Variants in SORBS3 observed in about 807,000 individuals in gnomAD.
The protein encoded by SORBS3 is vinexin.
Under a neutral mutation model 98.0 loss-of-function variants are expected in SORBS3, and 69 were observed. The observed-to-expected ratio is 0.70, with a 90% CI of 0.58 to 0.86. The LOEUF is 0.86. Ranked by LOEUF, SORBS3 falls within the 40% of genes least tolerant of loss-of-function variation. SORBS3 has a pLI of 0.00. For missense variants in SORBS3, 954 were observed against 908.5 expected, an observed-to-expected ratio of 1.05 and a Z score of -0.64; for synonymous variants, 394 against 355.4, an observed-to-expected ratio of 1.11 and a Z score of -1.22.
At chr8:22,566,631 TC>T in intron 13 of SORBS3, 29 bp from the exon 14 acceptor site, 1 of 1,590,596 alleles carries the variant, frequency 6.3e-7, no homozygotes, top group Non-Finnish European at 8.5e-7. Flanking sequence ...AGGTATGGCC[TC>T]CCCAAGCTGA....
chr8:22,554,481 C>T lies in SORBS3; in HGVS notation c.-26C>T, dbSNP rs747630111. 77 of 1,602,988 alleles carry T rather than the reference C, an allele frequency of 4.8e-5. No homozygotes were observed. The highest frequency in any genetic ancestry group is 3.1e-4 in the South Asian group (28 of 90,208). ...CACGCAGAGGAGCAGCTGGCTTGCCCGGAGTCCTCCCACCTTGACCCAAGC... is the reference window on the plus strand; with the variant it reads ...CACGCAGAGGAGCAGCTGGCTTGCCTGGAGTCCTCCCACCTTGACCCAAGC... On this transcript the variant is annotated 5_prime_UTR_variant, in exon 2 of 21. Transcript: ENST00000240123. This position sits in a 1 kb window ranked among gnomAD's most constrained non-coding sequence, Gnocchi z 6.5.
upstream of SORBS3, among the ~76,000 whole-genome samples, chr8:22,548,619 C>A (rs140617866): frequency 6.6e-5 from 10 of 152,222 alleles, no homozygotes; most frequent in Admixed American, 2.6e-4. Flanking sequence ...GAGCAGATGC[C>A]CTGTATCTCC....
chr8:22,574,623 A>G, intron 20 of SORBS3, 44 bp from the exon 21 acceptor site: 1 of 1,596,214 alleles, frequency 6.3e-7, no homozygotes, highest in South Asian at 1.1e-5. Flanking sequence ...CATCCCTGTT[A>G]AAGAAGGGAG....
At chr8:22,551,706 C>G, upstream of SORBS3, 2 of 983,672 alleles carry the variant, frequency 2.0e-6, no homozygotes, top group Non-Finnish European at 2.4e-6. This position sits in a 1 kb window ranked among gnomAD's most constrained non-coding sequence, Gnocchi z 5.8. Context: ...GCGCGCGCCC[C>G]GACGGACGGA....
chr8:22,563,721 T>G (rs906858271), intron 7 of SORBS3, among the ~76,000 whole-genome samples: 5 of 152,178 alleles, frequency 3.3e-5, no homozygotes, highest in Non-Finnish European at 5.9e-5. Flanking sequence ...ACCAAATCAT[T>G]TCTATATTAC....
At chr8:22,550,929 T>C (rs940479087), upstream of SORBS3, among the ~76,000 whole-genome samples, 28 of 152,192 alleles carry the variant, frequency 1.8e-4, no homozygotes, top group African/African-American at 6.3e-4. Context: ...CAATGTTCCT[T>C]AAGCATTCCC....
intron 18 of SORBS3, 52 bp downstream of exon 18, chr8:22,571,273 C>T (rs773904125): frequency 1.9e-6 from 2 of 1,076,154 alleles, no homozygotes; most frequent in African/African-American, 1.5e-5. Flanking sequence ...ACCCCTCATC[C>T]CCCACCCCCG....
In SORBS3 at chr8:22,566,809, C is replaced by A; in HGVS notation, c.1144-13C>A. ...CAACTGAGAGAGCCCACTCTGTCCT[C>A]TCCCCTGCCTAGAGAAAGGCCGCCA... On this transcript the variant is annotated splice_polypyrimidine_tract_variant and intron_variant, in intron 14 of 20. Coordinates refer to ENST00000240123, the MANE Select transcript of SORBS3 (RefSeq NM_005775.5). The A allele has an allele frequency of 2.5e-6, 4 of 1,613,986 alleles. No homozygotes were observed. Among genetic ancestry groups the A allele is most frequent in the Non-Finnish European group, 3.4e-6 (4 of 1,179,916 alleles).
chr8:22,574,421 A>T (rs1840674547), intron 20 of SORBS3, among the ~76,000 whole-genome samples: 1 of 152,222 alleles, frequency 6.6e-6, no homozygotes, highest in Admixed American at 6.5e-5. Flanking sequence ...TGCTGTGTAC[A>T]GTGTGATGCA....
intron 19 of SORBS3, 78 bp from the exon 20 acceptor site, chr8:22,572,262 G>A: frequency 1.7e-6 from 2 of 1,158,178 alleles, no homozygotes; most frequent in Non-Finnish European, 2.6e-6. Context: ...GGGACCCTGG[G>A]GCATTCACAG....
Position 22,567,192 on chromosome 8 carries a change from A to T in SORBS3, c.1305+17A>T. ...TATGTGGAGGTGAGCAGGAGAGACA[A>T]GAGCAAGTGGGGCTGGGCTGGGAGG... On this transcript the variant is annotated intron_variant, in intron 16 of 20. Coordinates refer to ENST00000240123, the MANE Select transcript of SORBS3 (RefSeq NM_005775.5). The T allele has an allele frequency of 6.8e-7, 1 of 1,465,586 alleles. No individual in the cohort carries two copies. Among genetic ancestry groups the T allele is most frequent in the Non-Finnish European group, 9.5e-7 (1 of 1,047,982 alleles). 90.8% of individuals were successfully genotyped at this position (1,465,586 alleles called of 1,614,324 possible). A position where few individuals can be genotyped will look rare whatever the true frequency, so the allele number is the denominator to read the frequency against.
rs533362572 is a variant in SORBS3, at chr8:22,555,103, T to C, written c.220+123T>C. 191 of 798,874 alleles carry C rather than the reference T, an allele frequency of 2.4e-4. No homozygotes were observed. The African/African-American group carries it at 3.0e-3, about 13-fold the overall frequency. 49.5% of individuals were successfully genotyped at this position (798,874 alleles called of 1,614,324 possible). On this transcript the variant is annotated intron_variant, in intron 3 of 20. Transcript: ENST00000240123. Reference sequence around the variant, plus strand: ...GGGGTTCTCAAGGCCATGAGGAGGTTCCTCAGAGGCCTCTGGGCTCACTAT... The same window carrying C: ...GGGGTTCTCAAGGCCATGAGGAGGTCCCTCAGAGGCCTCTGGGCTCACTAT...
intron 5 of SORBS3, among the ~76,000 whole-genome samples, chr8:22,559,807 C>T (rs568407652): frequency 4.6e-4 from 70 of 152,164 alleles, no homozygotes; most frequent in Middle Eastern, 3.4e-3. Flanking sequence ...CTGCAGTTCA[C>T]GGGACAAGGT....
In SORBS3 at chr8:22,564,022, G is replaced by T. The variant is rs758984815; in HGVS notation, c.620G>T (p.Ser207Ile). 4 of 1,613,894 alleles carry T rather than the reference G, an allele frequency of 2.5e-6. No homozygotes were observed. In the Admixed American group the frequency reaches 6.7e-5, roughly 27 times the overall value. The change falls in exon 8 of 21, where the codon AGC becomes ATC. Residue 207 changes from serine to isoleucine, a missense_variant. Physicochemically the swap from Ser to Ile is moderately radical, Grantham distance 142. Coordinates refer to ENST00000240123, the MANE Select transcript of SORBS3 (RefSeq NM_005775.5). ...SWDHSEELPR[S>I]TFNYRPGAFS... Reference sequence around the variant, plus strand: ...GACCACTCTGAAGAGTTACCTAGAAGCACCTTCAACTACAGACCTGGAGCA... The same window carrying T: ...GACCACTCTGAAGAGTTACCTAGAATCACCTTCAACTACAGACCTGGAGCA...
At chr8:22,572,494 GGGTGGGGTGCTGTTGCCT>G in intron 20 of SORBS3, 48 bp downstream of exon 20, 3 of 1,433,902 alleles carry the variant, frequency 2.1e-6, no homozygotes, top group Non-Finnish European at 2.9e-6. Context: ...CAGGGGATGT[GGGTGGGGTGCTGTTGCCT>G]GCCAGTGCTG....
intron 5 of SORBS3, among the ~76,000 whole-genome samples, chr8:22,558,407 G>A (rs534276918): frequency 6.6e-6 from 1 of 152,314 alleles, no homozygotes; most frequent in Non-Finnish European, 1.5e-5. Context: ...ACATTGACCA[G>A]CCACTGTCCC....
At chr8:22,552,579 A>G (rs1288560525) in intron 1 of SORBS3, among the ~76,000 whole-genome samples, 2 of 151,960 alleles carry the variant, frequency 1.3e-5, no homozygotes, top group African/African-American at 4.8e-5. Flanking sequence ...AAGGGTAAGC[A>G]ACCTCTGACT....
intron 1 of SORBS3, among the ~76,000 whole-genome samples, chr8:22,553,436 G>A (rs906499501): frequency 2.0e-5 from 3 of 152,164 alleles, no homozygotes; most frequent in Admixed American, 6.5e-5. Context: ...GATGGACGCC[G>A]TAGCACCGTG....
chr8:22,574,395 AG>A (rs946353630), intron 20 of SORBS3, among the ~76,000 whole-genome samples: 6 of 101,734 alleles, frequency 5.9e-5, no homozygotes, highest in Non-Finnish European at 1.3e-4. Context: ...TTTGCGGAGG[AG>A]GGGGGGAGTG....
Sources: allele counts gnomAD v4.1 joint callset (sites outside exome capture counted in the v4.1 genomes callset), GRCh38; gene constraint gnomAD v4.1.1; non-coding constraint Gnocchi (gnomAD v3.1); transcripts MANE v1.5; gene names NCBI Gene and HGNC (gene_info 2026-07-23, HGNC 2026-07-21).